Variants in EIF2AK2 observed in about 807,000 individuals in gnomAD.
EIF2AK2 encodes interferon-induced, double-stranded RNA-activated protein kinase.
In EIF2AK2, 40 loss-of-function variants were observed where a neutral mutation model predicts 70.5. That is an observed-to-expected ratio of 0.57 (90% confidence interval 0.44 to 0.74). The LOEUF (loss-of-function observed/expected upper bound fraction) is 0.74. Among genes scored for constraint, EIF2AK2 ranks in the 30% least tolerant of loss-of-function variants. EIF2AK2 has a pLI of 0.00. For missense variants in EIF2AK2, 555 were observed against 644.3 expected, an observed-to-expected ratio of 0.86 and a Z score of 1.50; for synonymous variants, 198 against 220.9, an observed-to-expected ratio of 0.90 and a Z score of 0.92.
chr2:37,133,350 C>A (rs1206910900), intron 10 of EIF2AK2, among the ~76,000 whole-genome samples: 1 of 152,178 alleles, frequency 6.6e-6, no homozygotes, highest in Non-Finnish European at 1.5e-5. Context: ...CAACCCCTCT[C>A]ATTTCTCCTC....
At chr2:37,149,442 T>C (rs1481103620) in intron 1 of EIF2AK2, 1 of 454,540 alleles carries the variant, frequency 2.2e-6, no homozygotes, top group Non-Finnish European at 4.0e-6. Flanking sequence ...TCATCTTGGG[T>C]GCTTTAAGAT....
intron 4 of EIF2AK2, among the ~76,000 whole-genome samples, chr2:37,145,845 C>T (rs1250083238): frequency 1.5e-5 from 2 of 133,604 alleles, no homozygotes; most frequent in Non-Finnish European, 3.1e-5. Context: ...CTCCTTCTCC[C>T]GGGTTCAAGC....
intron 6 of EIF2AK2, 40 bp from the exon 7 acceptor site, chr2:37,138,625 T>C: frequency 1.3e-6 from 2 of 1,570,172 alleles, no homozygotes; most frequent in Non-Finnish European, 1.8e-6. Context: ...TAAATACAAC[T>C]AATTATTTCT....
chr2:37,143,371 A>G (rs1020167619), intron 4 of EIF2AK2, among the ~76,000 whole-genome samples: 7 of 151,894 alleles, frequency 4.6e-5, no homozygotes, highest in Admixed American at 2.6e-4. Context: ...CTTCTGCACT[A>G]TTTACTCTGT....
At chr2:37,136,601 A>C (rs1675134481) in intron 9 of EIF2AK2, 1 of 156,562 alleles carries the variant, frequency 6.4e-6, no homozygotes, top group African/African-American at 2.4e-5. Context: ...CTCTTCAGTT[A>C]ATTGACATAG....
At chr2:37,119,184 A>C (rs1220497795) in intron 13 of EIF2AK2, among the ~76,000 whole-genome samples, 1 of 151,694 alleles carries the variant, frequency 6.6e-6, no homozygotes, top group Non-Finnish European at 1.5e-5. Flanking sequence ...AAATAGGGAA[A>C]CTCCTTGTCC....
At chr2:37,139,045 A>G (rs1675229425) in intron 6 of EIF2AK2, among the ~76,000 whole-genome samples, 1 of 151,094 alleles carries the variant, frequency 6.6e-6, no homozygotes, top group South Asian at 2.1e-4. Context: ...GGCCAGGTGC[A>G]GTGGCTCAAG....
chr2:37,122,329 A>C (rs1674583215), intron 12 of EIF2AK2, among the ~76,000 whole-genome samples, 177 bp downstream of exon 12: 1 of 152,176 alleles, frequency 6.6e-6, no homozygotes, highest in African/African-American at 2.4e-5. Context: ...CAAGAGGAGG[A>C]GCAAGGAAGA....
In EIF2AK2 at chr2:37,147,815, CCCGTAT is replaced by C. The variant is rs1403568683; in HGVS notation, c.-15_-10del. 6.3e-7 allele frequency: 1 copy of C among 1,594,252 alleles called. No individual in the cohort carries two copies. The highest frequency in any genetic ancestry group is 1.3e-5 in the African/African-American group (1 of 74,488). On this transcript the variant is annotated splice_region_variant and 5_prime_UTR_variant, in exon 3 of 17. Coordinates refer to ENST00000233057, the MANE Select transcript of EIF2AK2 (RefSeq NM_001135651.3). ...GAAAGATCACCAGCCATTTCTTCTTCCCGTATCCTACAATGGAAGAGACATTTGAAT... is the reference window on the plus strand; with the variant it reads ...GAAAGATCACCAGCCATTTCTTCTTCCCTACAATGGAAGAGACATTTGAAT...
intron 4 of EIF2AK2, among the ~76,000 whole-genome samples, chr2:37,142,979 A>C (rs1481507910): frequency 1.3e-5 from 2 of 152,208 alleles, no homozygotes; most frequent in Non-Finnish European, 2.9e-5. Context: ...CTGTAATCCC[A>C]GCACTTTGGG....
intron 10 of EIF2AK2, among the ~76,000 whole-genome samples, chr2:37,127,184 T>C (rs775044616): frequency 1.3e-5 from 2 of 152,044 alleles, no homozygotes; most frequent in African/African-American, 2.4e-5. Flanking sequence ...CTGTCAATTC[T>C]ACCTCCAAAA....
chr2:37,148,782 C>T (rs1675644570), intron 2 of EIF2AK2, 75 bp downstream of exon 2: 2 of 822,156 alleles, frequency 2.4e-6, no homozygotes, highest in Non-Finnish European at 4.3e-6. Flanking sequence ...AAAAAACTAG[C>T]CCCCCAGAAT....
intron 1 of EIF2AK2, among the ~76,000 whole-genome samples, chr2:37,150,826 AT>A (rs933854205): frequency 1.3e-5 from 2 of 152,204 alleles, no homozygotes; most frequent in African/African-American, 4.8e-5. Flanking sequence ...AATCCCAAAA[AT>A]CTCCCCTCTG....
intron 8 of EIF2AK2, among the ~76,000 whole-genome samples, chr2:37,137,923 C>T (rs1675184487): frequency 6.6e-6 from 1 of 152,010 alleles, no homozygotes; most frequent in African/African-American, 2.4e-5. Flanking sequence ...CCAGCCTGAA[C>T]AACATGGTGA....
chr2:37,150,889 C>A (rs1202248111), intron 1 of EIF2AK2, among the ~76,000 whole-genome samples: 2 of 152,118 alleles, frequency 1.3e-5, no homozygotes, highest in African/African-American at 2.4e-5. Flanking sequence ...TAAATTAAGA[C>A]CTCTGTTTAT....
chr2:37,147,594 G>A (rs1675599595), intron 3 of EIF2AK2, 94 bp downstream of exon 3: 1 of 779,094 alleles, frequency 1.3e-6, no homozygotes, highest in Non-Finnish European at 2.0e-6. Context: ...ATAGTTTGCT[G>A]AGAATAATGG....
At chr2:37,121,024 G>C (rs897632476) in intron 12 of EIF2AK2, among the ~76,000 whole-genome samples, 1 of 149,318 alleles carries the variant, frequency 6.7e-6, no homozygotes, top group Admixed American at 6.8e-5. Context: ...AGCACTTTGG[G>C]AGGCCGAGGC....
chr2:37,144,193 A>G (rs1675441256), intron 4 of EIF2AK2, among the ~76,000 whole-genome samples: 1 of 152,202 alleles, frequency 6.6e-6, no homozygotes, highest in Non-Finnish European at 1.5e-5. Flanking sequence ...CATTACTCAC[A>G]CATTTGTGGT....
At chr2:37,121,896 A>G (rs999740528) in intron 12 of EIF2AK2, among the ~76,000 whole-genome samples, 2 of 152,196 alleles carry the variant, frequency 1.3e-5, no homozygotes, top group Non-Finnish European at 2.9e-5. Context: ...GACTGTCCCC[A>G]TAATAGGTTG....
Sources: gnomAD v4.1 joint callset for allele counts (sites outside exome capture counted in the v4.1 genomes callset) on GRCh38, gnomAD v4.1.1 for gene constraint, MANE v1.5 for transcripts, NCBI Gene and HGNC (gene_info 2026-07-23, HGNC 2026-07-21) for gene names.